The following CRY1 variants were observed in gnomAD, a reference collection of about 807,000 sequenced individuals.
The protein encoded by CRY1 is cryptochrome-1.
In CRY1, 45 loss-of-function variants were observed where a neutral mutation model predicts 76.0. That is an observed-to-expected ratio of 0.59 (90% CI 0.47 to 0.76). The LOEUF (loss-of-function observed/expected upper bound fraction) is 0.76. CRY1 is among the 30% of genes least tolerant of loss of function. CRY1 has a pLI of 0.00. For synonymous variants in CRY1, 248 were observed against 244.0 expected (o/e 1.02, Z -0.15); for missense variants, 587 against 716.4 (o/e 0.82, Z 2.06).
chr12:107,086,573 C>G (rs755240654), intron 1 of CRY1, among the ~76,000 whole-genome samples: 1 of 152,130 alleles, frequency 6.6e-6, no homozygotes. Flanking sequence ...CTACTCCCCA[C>G]GTTCTGGCTG....
rs1188758311 is a variant in CRY1 at position 107,037,696 on chromosome 12, AT to A, written c.159-15505del. Reference sequence around the variant, plus strand: ...AATATAAATTTGTTTTTTAGAAATTATTTTATTTATTTATTTATTTATTTAT... The same window carrying A: ...AATATAAATTTGTTTTTTAGAAATTATTTATTTATTTATTTATTTATTTAT... On this transcript the variant is annotated intron_variant, in intron 1 of 12. Transcript: ENST00000008527. 1.2e-4 allele frequency among the ~76,000 whole-genome samples: 17 copies of A among 145,074 alleles called. No individual in the cohort carries two copies. In the East Asian group the frequency reaches 2.2e-3, roughly 19 times the overall value.
At chr12:107,000,298 A>G (rs1313176711) in intron 5 of CRY1, among the ~76,000 whole-genome samples, 1 of 151,988 alleles carries the variant, frequency 6.6e-6, no homozygotes, top group Non-Finnish European at 1.5e-5. Context: ...ACTCATGTGA[A>G]ATAAATTTCC....
At chr12:107,048,192 T>G (rs1458645684) in intron 1 of CRY1, among the ~76,000 whole-genome samples, 1 of 152,118 alleles carries the variant, frequency 6.6e-6, no homozygotes, top group East Asian at 1.9e-4. Context: ...GCAATTCTCC[T>G]GCCTCAGACT....
chr12:107,052,088 C>T (rs950444528), intron 1 of CRY1, among the ~76,000 whole-genome samples: 5 of 151,972 alleles, frequency 3.3e-5, no homozygotes, highest in Non-Finnish European at 5.9e-5. Context: ...CAAGTTTGCA[C>T]GAGGTTTTTC....
chr12:107,085,016 C>G (rs538541378), intron 1 of CRY1, among the ~76,000 whole-genome samples: 1 of 147,376 alleles, frequency 6.8e-6, no homozygotes, highest in South Asian at 2.2e-4. Flanking sequence ...AGGATATGAA[C>G]AGACACTTCT....
intron 1 of CRY1, among the ~76,000 whole-genome samples, chr12:107,034,616 TC>T (rs1490379256): frequency 6.6e-6 from 1 of 152,146 alleles, no homozygotes; most frequent in East Asian, 1.9e-4. Flanking sequence ...ATTCGGTTGC[TC>T]AACTAGTAAT....
At position 107,087,635 on chromosome 12, in the gene CRY1, T is replaced by C. The variant is rs75931084; in HGVS notation, c.158+5169A>G. On this transcript the variant is annotated intron_variant, in intron 1 of 12. Transcript: ENST00000008527. ...AAAGTAGATAACTTGTTTTTGATCT[T>C]ACAGGTTCATAGCTATAAGGAATCT... 4.6e-3 allele frequency among the ~76,000 whole-genome samples: 703 copies of C among 152,358 alleles called. 7 individuals carry two copies. The highest frequency in any genetic ancestry group is 0.016 in the African/African-American group (663 of 41,584).
chr12:107,025,623 A>G (rs1228758545), intron 1 of CRY1, among the ~76,000 whole-genome samples: 2 of 152,156 alleles, frequency 1.3e-5, no homozygotes, highest in African/African-American at 4.8e-5. Flanking sequence ...TGTTTTTGCT[A>G]CAATAATTCT....
At chr12:107,030,136 A>C (rs1392512571) in intron 1 of CRY1, among the ~76,000 whole-genome samples, 1 of 152,208 alleles carries the variant, frequency 6.6e-6, no homozygotes, top group Non-Finnish European at 1.5e-5. Flanking sequence ...TCTAATGACT[A>C]AATAAATTAA....
At chr12:107,086,447 C>T (rs1953402488) in intron 1 of CRY1, among the ~76,000 whole-genome samples, 1 of 152,174 alleles carries the variant, frequency 6.6e-6, no homozygotes, top group African/African-American at 2.4e-5. Context: ...GAAAAGCCCC[C>T]AAGACATTCC....
chr12:106,997,500 A>G lies in CRY1; in HGVS notation c.1480T>C (p.Tyr494His), dbSNP rs1208602472. Residue 494 changes from tyrosine to histidine, a missense_variant, in exon 9 of 13, where the codon TAT (tyrosine) becomes CAT (histidine). By Grantham distance (83) the Tyr-to-His change is moderately conservative. Transcript: ENST00000008527. ...GTTCTTAACATACCTAGTCCTCTAT[A>G]TCGTGAAAGCTGCTGATAGATCTGT... Reference protein sequence around the residue: ...MKQIYQQLSRYRGLGLLASVP... With the variant: ...MKQIYQQLSRHRGLGLLASVP... 3 of 1,613,954 alleles carry G rather than the reference A, an allele frequency of 1.9e-6. No homozygotes were observed. Among genetic ancestry groups the G allele is most frequent in the Non-Finnish European group, 1.7e-6 (2 of 1,179,982 alleles).
intron 2 of CRY1, among the ~76,000 whole-genome samples, chr12:107,015,737 A>G (rs565955346): frequency 3.9e-5 from 6 of 152,210 alleles, no homozygotes; most frequent in Non-Finnish European, 8.8e-5. Flanking sequence ...AGGCTGGAGT[A>G]GAGTGGCATG....
chr12:107,036,846 T>C lies in CRY1; in HGVS notation c.159-14654A>G, dbSNP rs147490100. 1.8e-3 allele frequency among the ~76,000 whole-genome samples: 279 copies of C among 152,246 alleles called. 4 individuals are homozygous for C. Among genetic ancestry groups the C allele is most frequent in the African/African-American group, 6.5e-3 (271 of 41,534 alleles). ...CAATTCCTCTCTTTCTTTAGGTCAT[T>C]GCTCAAAGGTCATCTCTGAAGTGAG... is the stretch of plus-strand genomic sequence containing the variant. On this transcript the variant is annotated intron_variant, in intron 1 of 12. Transcript: ENST00000008527.
At position 106,997,920 on chromosome 12, in the gene CRY1, A is replaced by G. The variant is rs373323863; in HGVS notation, c.1284T>C (p.Tyr428=). 12 of 1,613,678 alleles carry G rather than the reference A, an allele frequency of 7.4e-6. No homozygotes were observed. Among genetic ancestry groups the G allele is most frequent in the Non-Finnish European group, 1.0e-5 (12 of 1,179,856 alleles). Residue 428 remains tyrosine (Y), a synonymous_variant, in exon 8 of 13, where the codon TAT becomes TAC. Transcript: ENST00000008527. The part of the protein sequence containing the change: ...FGRRTDPNGD[Y]IRRYLPVLRG... ...AGTAATCACCCTTGATTTACCTGAT[A>G]TAGTCTCCATTGGGATCTGTTCTCC...
In CRY1 at chr12:106,997,666, G is replaced by A. The variant is rs1952248647; in HGVS notation, c.1314C>T (p.Gly438=). 2 of 1,614,042 alleles carry A rather than the reference G, an allele frequency of 1.2e-6. No homozygotes were observed. Among genetic ancestry groups the A allele is most frequent in the Admixed American group, 3.3e-5 (2 of 60,018 alleles). ...YIRRYLPVLR[G]FPAKYIYDPW... ...GATCATAGATATATTTTGCAGGGAA[G>A]CCTCTTAGGACAGGCAAATAACGCC... The change falls in exon 9 of 13, where the codon GGC becomes GGT. Residue 438 remains glycine (G), a synonymous_variant. Coordinates refer to ENST00000008527, the MANE Select transcript of CRY1 (RefSeq NM_004075.5).
chr12:107,055,280 A>G (rs1952970109), intron 1 of CRY1, among the ~76,000 whole-genome samples: 1 of 152,158 alleles, frequency 6.6e-6, no homozygotes, highest in South Asian at 2.1e-4. Context: ...AAATATTATA[A>G]GTAACAAAGG....
intron 1 of CRY1, among the ~76,000 whole-genome samples, chr12:107,039,632 C>T (rs1231668342): frequency 1.3e-5 from 2 of 152,092 alleles, no homozygotes; most frequent in African/African-American, 2.4e-5. Context: ...CACCTTATAC[C>T]TATTAGCTAT....
chr12:107,012,333 G>A (rs1952453775), intron 2 of CRY1, among the ~76,000 whole-genome samples: 1 of 152,206 alleles, frequency 6.6e-6, no homozygotes, highest in African/African-American at 2.4e-5. Flanking sequence ...TAGGTCCCTT[G>A]AGAACTATGC....
chr12:107,036,653 A>G (rs139055598), intron 1 of CRY1, among the ~76,000 whole-genome samples: 79 of 151,558 alleles, frequency 5.2e-4, no homozygotes, highest in African/African-American at 1.8e-3. Flanking sequence ...GGCAACCAAT[A>G]CCACTATGAC....
Sources: gnomAD v4.1 joint callset for allele counts (sites outside exome capture counted in the v4.1 genomes callset) on GRCh38, gnomAD v4.1.1 for gene constraint, MANE v1.5 for transcripts, NCBI Gene and HGNC (gene_info 2026-07-23, HGNC 2026-07-21) for gene names.